SLC4A10: variants seen among roughly 807,000 people sequenced by gnomAD.
The protein encoded by SLC4A10 is sodium-driven chloride bicarbonate exchanger.
SLC4A10 carries 42 observed loss-of-function variants against 137.7 expected under a neutral mutation model. That is an observed-to-expected ratio of 0.30 (90% CI 0.24 to 0.39). SLC4A10 has a LOEUF of 0.39. Ranked by LOEUF, SLC4A10 falls within the 10% of genes least tolerant of loss-of-function variation. The probability of loss-of-function intolerance (pLI) is 1.00; values close to 1 mark genes in which losing one functional copy is unlikely to be tolerated. For synonymous variants in SLC4A10, 474 were observed against 464.1 expected (o/e 1.02, Z -0.27); for missense variants, 925 against 1,355.0 (o/e 0.68, Z 4.98).
intron 3 of SLC4A10, among the ~76,000 whole-genome samples, chr2:161,816,446 A>G (rs1390966638): frequency 3.3e-5 from 5 of 152,090 alleles, no homozygotes; most frequent in Non-Finnish European, 5.9e-5. Flanking sequence ...ATTTAACAAA[A>G]CGATTTTTGG....
At chr2:161,908,133 AAAAT>A (rs1684875639) in intron 15 of SLC4A10, among the ~76,000 whole-genome samples, 1 of 152,114 alleles carries the variant, frequency 6.6e-6, no homozygotes, top group Admixed American at 6.5e-5. Context: ...CAATAGGCAA[AAAAT>A]AAATAAATAA....
At chr2:161,937,461 C>A (rs950460042) in intron 15 of SLC4A10, among the ~76,000 whole-genome samples, 1 of 152,132 alleles carries the variant, frequency 6.6e-6, no homozygotes, top group African/African-American at 2.4e-5. Flanking sequence ...CCCTCACTGC[C>A]GTGCCCACAC....
At chr2:161,960,297 G>A (rs1292978859) in intron 21 of SLC4A10, among the ~76,000 whole-genome samples, 3 of 149,542 alleles carry the variant, frequency 2.0e-5, no homozygotes, top group African/African-American at 7.4e-5. Context: ...CTGGGAGGCG[G>A]AGGTTGCAGT....
chr2:161,703,129 C>T (rs1208966466), intron 1 of SLC4A10, among the ~76,000 whole-genome samples: 1 of 151,368 alleles, frequency 6.6e-6, no homozygotes, highest in African/African-American at 2.4e-5. Flanking sequence ...TTACCCAAAG[C>T]CTCAAAAACA....
At chr2:161,658,973 C>T (rs974724581) in intron 1 of SLC4A10, among the ~76,000 whole-genome samples, 1 of 151,968 alleles carries the variant, frequency 6.6e-6, no homozygotes, top group African/African-American at 2.4e-5. Context: ...ATTAATATAG[C>T]CTCCATGAAA....
intron 3 of SLC4A10, among the ~76,000 whole-genome samples, chr2:161,814,975 A>G (rs1341609550): frequency 6.6e-6 from 1 of 152,164 alleles, no homozygotes; most frequent in Non-Finnish European, 1.5e-5. Context: ...AGAAACCTGT[A>G]CTGCTAGCTT....
chr2:161,842,515 T>C (rs2059245362), intron 4 of SLC4A10, among the ~76,000 whole-genome samples: 2 of 152,108 alleles, frequency 1.3e-5, no homozygotes, highest in South Asian at 2.1e-4. Flanking sequence ...TATAAATCAT[T>C]CATTATTTTC....
chr2:161,793,773 TC>T (rs1355947939), intron 2 of SLC4A10, among the ~76,000 whole-genome samples: 1 of 152,174 alleles, frequency 6.6e-6, no homozygotes, highest in African/African-American at 2.4e-5. Context: ...TGTGCCACTT[TC>T]AAACTGCTTC....
intron 15 of SLC4A10, among the ~76,000 whole-genome samples, chr2:161,922,051 A>T (rs1688238761): frequency 6.6e-6 from 1 of 152,230 alleles, no homozygotes; most frequent in Non-Finnish European, 1.5e-5. Context: ...TGTTGAAAGA[A>T]TCAGACATTA....
In SLC4A10 at chr2:161,775,312, T is replaced by A. The variant is rs553146159; in HGVS notation, c.130+4258T>A. ...TCTGGAAAATATATTTTTCTCCCAA[T>A]TACTATCAAAAAGGAGTACCAGGGG... On this transcript the variant is annotated intron_variant, in intron 2 of 26. Transcript: ENST00000446997. Among the ~76,000 whole-genome samples, 6 of 151,966 alleles carry A rather than the reference T, an allele frequency of 3.9e-5. No individual in the cohort carries two copies. In the East Asian group the frequency reaches 1.2e-3, roughly 30 times the overall value.
intron 1 of SLC4A10, among the ~76,000 whole-genome samples, chr2:161,705,080 A>G (rs2043511574): frequency 1.3e-5 from 2 of 151,686 alleles, no homozygotes; most frequent in Non-Finnish European, 3.0e-5. Flanking sequence ...TAAAATCTTT[A>G]TGATAAAAGT....
intron 1 of SLC4A10, among the ~76,000 whole-genome samples, chr2:161,656,481 A>C (rs551164606): frequency 1.4e-4 from 21 of 152,294 alleles, no homozygotes; most frequent in African/African-American, 4.1e-4. Flanking sequence ...CTATTGTATA[A>C]TTATTTATTT....
rs2036080070 is a variant in SLC4A10, at chr2:161,646,699, C to T, written c.48+22133C>T. The stretch of plus-strand genomic sequence containing the variant: ...AATATATATTTTGTAATCAGTACTG[C>T]TGATAATACTCTAAGATTATAACTA... On this transcript the variant is annotated intron_variant, in intron 1 of 26. Transcript: ENST00000446997. 2.0e-5 allele frequency among the ~76,000 whole-genome samples: 3 copies of T among 152,008 alleles called. No individual in the cohort carries two copies. In the South Asian group the frequency reaches 6.2e-4, roughly 32 times the overall value.
intron 6 of SLC4A10, 26 bp from the exon 7 acceptor site, chr2:161,872,267 T>C (rs755166436): frequency 6.4e-7 from 1 of 1,565,584 alleles, no homozygotes; most frequent in South Asian, 1.1e-5. Flanking sequence ...TAATTGTTTG[T>C]ATTCTGTCAC....
At chr2:161,875,110 G>A (rs1409158937) in intron 8 of SLC4A10, among the ~76,000 whole-genome samples, 1 of 152,084 alleles carries the variant, frequency 6.6e-6, no homozygotes, top group Non-Finnish European at 1.5e-5. Context: ...CCCAGTTTTG[G>A]AATTTAAAAA....
At chr2:161,853,406 C>A (rs746484299) in intron 4 of SLC4A10, among the ~76,000 whole-genome samples, 1 of 152,154 alleles carries the variant, frequency 6.6e-6, no homozygotes, top group Non-Finnish European at 1.5e-5. Context: ...TATCCTCTTG[C>A]CAATTAAATA....
At chr2:161,832,117 C>T (rs1234510) in intron 3 of SLC4A10, among the ~76,000 whole-genome samples, 103,716 of 152,014 alleles carry the variant, frequency 0.68, 35,788 homozygotes, top group East Asian at 0.98. Context: ...TATGAAAGAC[C>T]TGAGTTCCTT....
intron 15 of SLC4A10, among the ~76,000 whole-genome samples, chr2:161,921,485 A>G (rs1045403836): frequency 9.2e-5 from 14 of 152,212 alleles, no homozygotes; most frequent in Non-Finnish European, 2.1e-4. Context: ...AGTCCTGACT[A>G]CTGGCTGAGA....
intron 5 of SLC4A10, among the ~76,000 whole-genome samples, chr2:161,860,933 ATATGT>A: frequency 6.6e-6 from 1 of 152,240 alleles, no homozygotes; most frequent in Non-Finnish European, 1.5e-5. Context: ...AAAGAAGTTA[ATATGT>A]TGTGATGTGA....
Sources: allele counts gnomAD v4.1 joint callset (sites outside exome capture counted in the v4.1 genomes callset), GRCh38; gene constraint gnomAD v4.1.1; transcripts MANE v1.5; gene names NCBI Gene and HGNC (gene_info 2026-07-23, HGNC 2026-07-21).